Variants in GK5 observed in about 807,000 individuals in gnomAD.
GK5 encodes glycerol kinase 5, also known as ATP:glycerol 3-phosphotransferase 5.
A neutral mutation model predicts 77.3 loss-of-function variants in GK5; 39 were observed. The observed-to-expected ratio is 0.50, with a 90% CI of 0.39 to 0.66. The LOEUF is 0.66. Ranked by LOEUF, GK5 falls within the 30% of genes least tolerant of loss-of-function variation. The pLI, the probability that GK5 is intolerant of heterozygous loss-of-function variation, is 0.00. For synonymous variants in GK5, 211 were observed against 208.0 expected (o/e 1.01, Z -0.13); for missense variants, 487 against 633.8 (o/e 0.77, Z 2.49).
At chr3:142,186,047 C>T (rs1167389035) in intron 8 of GK5, 58 bp from the exon 9 acceptor site, 2 of 1,421,420 alleles carry the variant, frequency 1.4e-6, no homozygotes, top group East Asian at 2.3e-5. Flanking sequence ...AGTTTTAAAA[C>T]TCAGCAAATT....
intron 14 of GK5, among the ~76,000 whole-genome samples, chr3:142,170,805 C>G (rs557793403): frequency 3.9e-4 from 60 of 152,120 alleles, no homozygotes; most frequent in African/African-American, 1.4e-3. Flanking sequence ...GATATACACC[C>G]AAAAAAGAGA....
intron 1 of GK5, among the ~76,000 whole-genome samples, chr3:142,220,556 A>G (rs2064330806): frequency 6.6e-6 from 1 of 152,104 alleles, no homozygotes; most frequent in Non-Finnish European, 1.5e-5. Flanking sequence ...CTTGGCTCCC[A>G]TTTCACTCAG....
At chr3:142,191,522 C>T (rs1004362882) in intron 5 of GK5, among the ~76,000 whole-genome samples, 2 of 151,406 alleles carry the variant, frequency 1.3e-5, no homozygotes, top group Non-Finnish European at 2.9e-5. Context: ...TGGGAAACAG[C>T]GACACTCTAT....
Position 142,179,056 on chromosome 3 carries a change from TAAAGTGACTTCTGA to T in GK5, c.1049-1494_1049-1481del, listed in dbSNP as rs372099833. 6.4e-3 allele frequency among the ~76,000 whole-genome samples: 978 copies of T among 152,336 alleles called. 8 individuals carry two copies. The highest frequency in any genetic ancestry group is 0.022 in the African/African-American group (909 of 41,586). On this transcript the variant is annotated intron_variant, in intron 11 of 15. Transcript: ENST00000392993. ...CTGGCCATTTGGATATCCTTGTTTG[TAAAGTGACTTCTGA>T]ATGAGTATGTAGGACTGAACAGCAA... is the stretch of plus-strand genomic sequence containing the variant.
Position 142,215,595 on chromosome 3 carries a change from T to C in GK5, c.241+4A>G. ...ATTATTGTTATTTTTATAAATCCAATTACCTTTGACTGCTTCTTTTATTAC... is the reference window on the plus strand; with the variant it reads ...ATTATTGTTATTTTTATAAATCCAACTACCTTTGACTGCTTCTTTTATTAC... On this transcript the variant is annotated splice_donor_region_variant and intron_variant, in intron 2 of 15. Transcript: ENST00000392993. The C allele has an allele frequency of 6.9e-7, 1 of 1,455,556 alleles. No individual in the cohort carries two copies. Among genetic ancestry groups the C allele is most frequent in the Non-Finnish European group, 9.5e-7 (1 of 1,048,892 alleles). The allele number at this position is 1,455,556 out of a possible 1,614,324, so 90.2% of individuals were successfully genotyped here. A position where few individuals can be genotyped will look rare whatever the true frequency, so the allele number is the denominator to read the frequency against.
At position 142,170,395 on chromosome 3, in the gene GK5, C is replaced by T. The variant is rs1396980922; in HGVS notation, c.1371G>A (p.Glu457=). ...VMQMTSDLIN[E]NIDRPADIDM... Reference sequence around the variant, plus strand: ...CAATGTCGGCAGGTCTGTCTATATTCTCATTAATCAGGTCTGAAGTCATCT... The same window carrying T: ...CAATGTCGGCAGGTCTGTCTATATTTTCATTAATCAGGTCTGAAGTCATCT... Residue 457 remains glutamate, a synonymous_variant, in exon 15 of 16, where the codon GAG becomes GAA. Transcript: ENST00000392993. The T allele has an allele frequency of 6.2e-7, 1 of 1,614,054 alleles. No homozygotes were observed. The highest frequency in any genetic ancestry group is 1.1e-5 in the South Asian group (1 of 91,078).
In GK5 at chr3:142,177,632, G is replaced by C. The variant is rs1316827967; in HGVS notation, c.1049-56C>G. 7 of 955,002 alleles carry C rather than the reference G, an allele frequency of 7.3e-6. No individual in the cohort carries two copies. In the Admixed American group the frequency reaches 1.4e-4, roughly 20 times the overall value. The allele number at this position is 955,002 out of a possible 1,614,324, so 59.2% of individuals were successfully genotyped here. A position where few individuals can be genotyped will look rare whatever the true frequency, so the allele number is the denominator to read the frequency against. ...TAAAACAAAATGAAGAGGTTAGAGA[G>C]GCACAAACAGAATTATGTTACATGA... On this transcript the variant is annotated intron_variant, in intron 11 of 15. Coordinates refer to ENST00000392993, the MANE Select transcript of GK5 (RefSeq NM_001039547.3).
In GK5 at chr3:142,182,927, A is replaced by T. The variant is rs138621936; in HGVS notation, c.939T>A (p.Thr313=). 6.2e-7 allele frequency: 1 copy of T among 1,606,928 alleles called. No individual in the cohort carries two copies. The highest frequency in any genetic ancestry group is 2.2e-5 in the East Asian group (1 of 44,824). ...INTGNSLQQT[T]GGFYPLIGWK... ...GGATAAATCCTAACTACTTACCTCCAGTAGTCTGTTGAAGGCTATTTCCAG... is the reference window on the plus strand; with the variant it reads ...GGATAAATCCTAACTACTTACCTCCTGTAGTCTGTTGAAGGCTATTTCCAG... The change falls in exon 10 of 16, where the codon ACT becomes ACA. Residue 313 remains threonine, a synonymous_variant. Transcript: ENST00000392993.
At chr3:142,172,289 C>T in intron 13 of GK5, 64 bp downstream of exon 13, 1 of 749,140 alleles carries the variant, frequency 1.3e-6, no homozygotes, top group Non-Finnish European at 2.2e-6. Context: ...CATTTAGTAG[C>T]AAATTAATGA....
chr3:142,166,691 G>A (rs908286621), intron 15 of GK5, among the ~76,000 whole-genome samples: 3 of 152,148 alleles, frequency 2.0e-5, no homozygotes, highest in South Asian at 2.1e-4. Context: ...GTGCCACCAC[G>A]CCCGGCTAAT....
rs865927963 is a variant in GK5, at chr3:142,190,624, T to C, written c.544-2845A>G. On this transcript the variant is annotated intron_variant, in intron 5 of 15. Coordinates refer to ENST00000392993, the MANE Select transcript of GK5 (RefSeq NM_001039547.3). ...TAGATAATAAGCACAGAAAATATGTTTGATAAATTCAATAACCATTCATAA... is the reference window on the plus strand; with the variant it reads ...TAGATAATAAGCACAGAAAATATGTCTGATAAATTCAATAACCATTCATAA... Among the ~76,000 whole-genome samples, 13 of 152,304 alleles carry C rather than the reference T, an allele frequency of 8.5e-5. No homozygotes were observed. The South Asian group carries it at 1.0e-3, about 12-fold the overall frequency.
rs186687869 is a variant in GK5 at position 142,165,247 on chromosome 3, T to A, written c.*375A>T. 7.4e-4 allele frequency: 121 copies of A among 162,464 alleles called. 1 individual carries two copies. Among genetic ancestry groups the A allele is most frequent in the African/African-American group, 2.8e-3 (116 of 42,042 alleles). 10.1% of individuals were successfully genotyped at this position (162,464 alleles called of 1,614,324 possible). ...CGTTTCACATAATTTTGGAACAATA[T>A]GTGCATGGTACTTGACCCAGAACTA... On this transcript the variant is annotated 3_prime_UTR_variant, in exon 16 of 16. Transcript: ENST00000392993.
intron 5 of GK5, among the ~76,000 whole-genome samples, chr3:142,194,951 C>A (rs148124596): frequency 6.6e-6 from 1 of 151,410 alleles, no homozygotes; most frequent in African/African-American, 2.4e-5. Flanking sequence ...TTGTCTTGTT[C>A]CCGAACTTAG....
At chr3:142,166,290 A>G (rs2063472183) in intron 15 of GK5, among the ~76,000 whole-genome samples, 1 of 152,090 alleles carries the variant, frequency 6.6e-6, no homozygotes, top group Non-Finnish European at 1.5e-5. Flanking sequence ...AAGAAATAGG[A>G]TATTTTCTTT....
intron 4 of GK5, 170 bp downstream of exon 4, chr3:142,204,525 T>C (rs1429060123): frequency 3.0e-6 from 2 of 674,790 alleles, no homozygotes; most frequent in African/African-American, 3.6e-5. Context: ...AGTACTGAAG[T>C]CTACCACATA....
At chr3:142,175,718 G>A (rs1480477656) in intron 12 of GK5, among the ~76,000 whole-genome samples, 1 of 151,976 alleles carries the variant, frequency 6.6e-6, no homozygotes, top group Non-Finnish European at 1.5e-5. Context: ...ATATGGGCAG[G>A]TTGCAATCAT....
chr3:142,179,023 C>A (rs938938910), intron 11 of GK5, among the ~76,000 whole-genome samples: 1 of 152,160 alleles, frequency 6.6e-6, no homozygotes, highest in Non-Finnish European at 1.5e-5. Context: ...AAGTTAAATA[C>A]CTTTTCACTG....
At chr3:142,208,691 G>A (rs1334366671) in intron 3 of GK5, among the ~76,000 whole-genome samples, 3 of 152,162 alleles carry the variant, frequency 2.0e-5, no homozygotes, top group Non-Finnish European at 2.9e-5. Context: ...TTCAATCACT[G>A]GTTTCAGCAA....
intron 4 of GK5, among the ~76,000 whole-genome samples, chr3:142,201,506 A>C (rs969879801): frequency 6.6e-6 from 1 of 152,172 alleles, no homozygotes; most frequent in African/African-American, 2.4e-5. Flanking sequence ...GGTGTATAGG[A>C]GAGTGGTAGA....
Sources: allele counts gnomAD v4.1 joint callset (sites outside exome capture counted in the v4.1 genomes callset), GRCh38; gene constraint gnomAD v4.1.1; transcripts MANE v1.5; gene names NCBI Gene and HGNC (gene_info 2026-07-23, HGNC 2026-07-21).